The following PCDH9 variants were observed in gnomAD, a reference collection of about 807,000 sequenced individuals.
PCDH9 encodes protocadherin-9.
A neutral mutation model predicts 70.6 loss-of-function variants in PCDH9; 24 were observed. That is an observed-to-expected ratio of 0.34 (90% CI 0.25 to 0.48). The LOEUF is 0.48. Among genes scored for constraint, PCDH9 ranks in the 20% least tolerant of loss-of-function variants. PCDH9 has a pLI of 0.99. For synonymous variants in PCDH9, 562 were observed against 558.5 expected (o/e 1.01, Z -0.09); for missense variants, 1,281 against 1,503.6 (o/e 0.85, Z 2.45).
chr13:66,899,479 G>A (rs2082241726), intron 3 of PCDH9, among the ~76,000 whole-genome samples: 1 of 151,890 alleles, frequency 6.6e-6, no homozygotes, highest in African/African-American at 2.4e-5. Flanking sequence ...TTCATACACT[G>A]AACACTAAAC....
At chr13:66,652,862 T>C (rs2138995158) in intron 3 of PCDH9, among the ~76,000 whole-genome samples, 1 of 152,262 alleles carries the variant, frequency 6.6e-6, no homozygotes, top group Non-Finnish European at 1.5e-5. Context: ...GAACTCATTT[T>C]TGACAAAGGT....
At chr13:66,401,892 C>A (rs1957195185) in intron 4 of PCDH9, among the ~76,000 whole-genome samples, 2 of 152,126 alleles carry the variant, frequency 1.3e-5, no homozygotes, top group Admixed American at 1.3e-4. Flanking sequence ...CCAGAACTAG[C>A]ATATTTTTCA....
intron 2 of PCDH9, among the ~76,000 whole-genome samples, chr13:66,909,762 C>G (rs1163541697): frequency 6.6e-6 from 1 of 152,170 alleles, no homozygotes; most frequent in Non-Finnish European, 1.5e-5. Flanking sequence ...CAACTGAACT[C>G]TTGGCAGTTC....
rs183033980 is a variant in PCDH9, at chr13:66,968,900, A to G, written c.3037-65295T>C. On this transcript the variant is annotated intron_variant, in intron 2 of 4. Coordinates refer to ENST00000377865, the MANE Select transcript of PCDH9 (RefSeq NM_203487.3). ...TTAAAAATATGAATGACTGAATATCAGTTAAGGAGAGCTAGAATTCCAGTG... is the reference window on the plus strand; with the variant it reads ...TTAAAAATATGAATGACTGAATATCGGTTAAGGAGAGCTAGAATTCCAGTG... Among the ~76,000 whole-genome samples the G allele has an allele frequency of 3.4e-3, 517 of 152,154 alleles. 1 individual carries two copies. The highest frequency in any genetic ancestry group is 5.3e-3 in the Non-Finnish European group (359 of 67,954).
intron 3 of PCDH9, among the ~76,000 whole-genome samples, chr13:66,722,221 G>A (rs188815517): frequency 2.8e-4 from 42 of 152,222 alleles, no homozygotes; most frequent in Middle Eastern, 3.4e-3. Flanking sequence ...CTGAGGCTAC[G>A]TATCAGGCAT....
chr13:66,345,820 T>C (rs755108684), intron 4 of PCDH9, among the ~76,000 whole-genome samples: 1 of 152,282 alleles, frequency 6.6e-6, no homozygotes, highest in Middle Eastern at 3.4e-3. Flanking sequence ...GTCATCAGGA[T>C]AAAGCAGAAC....
At chr13:66,918,961 C>A (rs1029326712) in intron 2 of PCDH9, among the ~76,000 whole-genome samples, 4 of 151,154 alleles carry the variant, frequency 2.6e-5, no homozygotes, top group African/African-American at 9.7e-5. Flanking sequence ...TAACACTTGA[C>A]AAAAATTACT....
intron 2 of PCDH9, among the ~76,000 whole-genome samples, chr13:67,075,158 G>A (rs559685428): frequency 2.6e-5 from 4 of 151,924 alleles, no homozygotes; most frequent in Non-Finnish European, 5.9e-5. Context: ...TCAGGACACC[G>A]AGGAATATAA....
At chr13:66,447,336 A>C (rs1039033716) in intron 4 of PCDH9, among the ~76,000 whole-genome samples, 1 of 152,056 alleles carries the variant, frequency 6.6e-6, no homozygotes, top group African/African-American at 2.4e-5. Context: ...TTTGAGTCTA[A>C]TATTAGGCTT....
In PCDH9 at chr13:66,714,965, G is replaced by T. The variant is rs186954551; in HGVS notation, c.3139-83554C>A. Among the ~76,000 whole-genome samples the T allele has an allele frequency of 3.2e-4, 49 of 152,246 alleles. 1 individual carries two copies. In the East Asian group the frequency reaches 9.3e-3, roughly 29 times the overall value. On this transcript the variant is annotated intron_variant, in intron 3 of 4. Coordinates refer to ENST00000377865, the MANE Select transcript of PCDH9 (RefSeq NM_203487.3). Reference sequence around the variant, plus strand: ...GTCAAACACCAGGAATTGTCTCTTAGTTCATAGAAAACATTTATCATACTG... The same window carrying T: ...GTCAAACACCAGGAATTGTCTCTTATTTCATAGAAAACATTTATCATACTG...
intron 2 of PCDH9, among the ~76,000 whole-genome samples, chr13:66,904,720 G>GTTTTAGAAT (rs1194833868): frequency 3.3e-5 from 5 of 151,584 alleles, no homozygotes; most frequent in African/African-American, 4.8e-5. Flanking sequence ...AAGCAAATGT[G>GTTTTAGAAT]TTTTAGAATT....
intron 2 of PCDH9, among the ~76,000 whole-genome samples, chr13:67,054,672 G>GA (rs1340921470): frequency 6.6e-6 from 1 of 152,072 alleles, no homozygotes. Context: ...GAAATGTGTT[G>GA]AAAATGTTAT....
Position 67,028,312 on chromosome 13 carries a change from G to A in PCDH9, c.3037-124707C>T, listed in dbSNP as rs372449720. Among the ~76,000 whole-genome samples, 9 of 145,154 alleles carry A rather than the reference G, an allele frequency of 6.2e-5. No individual in the cohort carries two copies. The East Asian group carries it at 8.5e-4, about 14-fold the overall frequency. ...AAATCATCATTCTCAGTAAACTATC[G>A]CAAGAACAAAAAACCAAACACCGCA... On this transcript the variant is annotated intron_variant, in intron 2 of 4. Transcript: ENST00000377865.
chr13:66,764,090 C>T (rs560443441), intron 3 of PCDH9, among the ~76,000 whole-genome samples: 28 of 152,042 alleles, frequency 1.8e-4, no homozygotes, highest in African/African-American at 4.6e-4. Context: ...TGAGCCACCG[C>T]GCCAGGCCTA....
chr13:66,815,586 C>T (rs1433255948), intron 3 of PCDH9, among the ~76,000 whole-genome samples: 1 of 152,118 alleles, frequency 6.6e-6, no homozygotes, highest in African/African-American at 2.4e-5. Flanking sequence ...TAATACTACA[C>T]AGCCATAAAG....
chr13:66,963,776 A>G (rs1330041515), intron 2 of PCDH9, among the ~76,000 whole-genome samples: 1 of 152,200 alleles, frequency 6.6e-6, no homozygotes, highest in East Asian at 1.9e-4. Flanking sequence ...ACAAAATTTA[A>G]TAAGTCAACG....
At chr13:67,089,536 A>G (rs1249834790) in intron 2 of PCDH9, among the ~76,000 whole-genome samples, 1 of 152,014 alleles carries the variant, frequency 6.6e-6, no homozygotes, top group Non-Finnish European at 1.5e-5. Context: ...AAAGATAAAC[A>G]TATTTGGACT....
intron 2 of PCDH9, chr13:67,224,745 T>TC (rs1230062440): frequency 1.3e-6 from 1 of 783,552 alleles, no homozygotes; most frequent in Admixed American, 6.3e-5. Flanking sequence ...TTTTTTTTTT[T>TC]TTGAAAGAGT....
chr13:66,331,890 T>C (rs950008867), intron 4 of PCDH9, among the ~76,000 whole-genome samples: 1 of 152,318 alleles, frequency 6.6e-6, no homozygotes, highest in East Asian at 1.9e-4. Flanking sequence ...GGCTACAGAA[T>C]GATTAAATGA....
Sources: gnomAD v4.1 joint callset for allele counts (sites outside exome capture counted in the v4.1 genomes callset) on GRCh38, gnomAD v4.1.1 for gene constraint, MANE v1.5 for transcripts, NCBI Gene and HGNC (gene_info 2026-07-23, HGNC 2026-07-21) for gene names.